The following SMAD1 variants were observed in gnomAD, a reference collection of about 807,000 sequenced individuals.
The protein encoded by SMAD1 is MAD, mothers against decapentaplegic homolog 1.
Under a neutral mutation model 41.6 loss-of-function variants are expected in SMAD1, and 6 were observed. That is an observed-to-expected ratio of 0.14 (90% CI 0.08 to 0.28). SMAD1 has a LOEUF of 0.28. SMAD1 is among the 10% of genes least tolerant of loss of function. The pLI is 1.00. For synonymous variants in SMAD1, 206 were observed against 203.2 expected (o/e 1.01, Z -0.12); for missense variants, 379 against 582.6 (o/e 0.65, Z 3.60).
chr4:145,510,384 G>A (rs781758608), intron 1 of SMAD1, among the ~76,000 whole-genome samples: 2 of 151,790 alleles, frequency 1.3e-5, no homozygotes, highest in South Asian at 2.1e-4. Flanking sequence ...TCTAATATAT[G>A]CATTTAAGAC....
chr4:145,527,515 G>A (rs368486898), intron 2 of SMAD1, among the ~76,000 whole-genome samples: 13 of 152,146 alleles, frequency 8.5e-5, no homozygotes, highest in African/African-American at 3.1e-4. Flanking sequence ...GAGCCACCGC[G>A]CCCGGCCCTA....
intron 6 of SMAD1, among the ~76,000 whole-genome samples, chr4:145,557,292 A>C (rs911267610): frequency 3.9e-5 from 6 of 152,188 alleles, no homozygotes; most frequent in African/African-American, 1.4e-4. Context: ...TGGATACTTG[A>C]ATGTACTCCT....
At chr4:145,505,395 A>G (rs1729711142) in intron 1 of SMAD1, among the ~76,000 whole-genome samples, 1 of 152,190 alleles carries the variant, frequency 6.6e-6, no homozygotes, top group Non-Finnish European at 1.5e-5. Flanking sequence ...GATATCTTGC[A>G]TCTCCATGGC....
At chr4:145,525,389 G>A (rs1730972614) in intron 2 of SMAD1, among the ~76,000 whole-genome samples, 1 of 152,174 alleles carries the variant, frequency 6.6e-6, no homozygotes, top group Non-Finnish European at 1.5e-5. Flanking sequence ...AGCAACAAGG[G>A]TTTATTTGTT....
intron 1 of SMAD1, among the ~76,000 whole-genome samples, chr4:145,503,608 C>T (rs997926349): frequency 2.0e-5 from 3 of 152,122 alleles, no homozygotes; most frequent in African/African-American, 7.2e-5. Context: ...GGAATGCAGG[C>T]ACTTCACCTG....
At chr4:145,551,308 C>G (rs572034245) in intron 5 of SMAD1, among the ~76,000 whole-genome samples, 7 of 152,216 alleles carry the variant, frequency 4.6e-5, no homozygotes, top group African/African-American at 1.4e-4. Context: ...AAGAGAAACC[C>G]TGACCTCATA....
intron 1 of SMAD1, among the ~76,000 whole-genome samples, chr4:145,508,988 G>A (rs1461092190): frequency 6.6e-6 from 1 of 152,164 alleles, no homozygotes; most frequent in Non-Finnish European, 1.5e-5. Flanking sequence ...TGAATTTAGG[G>A]AGGGGATACA....
intron 1 of SMAD1, among the ~76,000 whole-genome samples, chr4:145,500,507 C>A (rs1729368828): frequency 1.3e-5 from 2 of 152,094 alleles, no homozygotes; most frequent in African/African-American, 2.4e-5. Flanking sequence ...GAATGCCCTT[C>A]CCCAGATAAT....
chr4:145,498,677 T>G (rs1560727789), intron 1 of SMAD1, among the ~76,000 whole-genome samples: 1 of 152,218 alleles, frequency 6.6e-6, no homozygotes, highest in Non-Finnish European at 1.5e-5. Context: ...AGACAGTTTT[T>G]GTTTCTATTT....
chr4:145,484,517 C>T (rs1403398661), intron 1 of SMAD1: 1 of 152,280 alleles, frequency 6.6e-6, no homozygotes, highest in Non-Finnish European at 1.5e-5. Flanking sequence ...TGGCGTTATA[C>T]TTCAGATATG....
In SMAD1 at chr4:145,482,686, A is replaced by T. The variant is rs898712987; in HGVS notation, c.-177+648A>T. The T allele has an allele frequency of 1.3e-5, 2 of 151,954 alleles. No homozygotes were observed. The highest frequency in any genetic ancestry group is 4.8e-5 in the African/African-American group (2 of 41,378). The allele number at this position is 151,954 out of a possible 1,614,324, so 9.4% of individuals were successfully genotyped here. On this transcript the variant is annotated intron_variant, in intron 1 of 6. Coordinates refer to ENST00000302085, the MANE Select transcript of SMAD1 (RefSeq NM_005900.3). The surrounding 1 kb of genome is among the most constrained non-coding windows in gnomAD (Gnocchi z 4.2). ...GAGGTCAAGGAAAGTTCGCACCGAG[A>T]TCCCCTCTAATTTATTCAAAGGTTT...
chr4:145,493,127 G>T (rs1182992192), intron 1 of SMAD1, among the ~76,000 whole-genome samples: 1 of 152,196 alleles, frequency 6.6e-6, no homozygotes, highest in African/African-American at 2.4e-5. Flanking sequence ...CCATCCTTAA[G>T]TCCTTTCTGA....
intron 3 of SMAD1, among the ~76,000 whole-genome samples, chr4:145,540,820 T>C (rs1731886505): frequency 1.3e-5 from 2 of 152,114 alleles, no homozygotes; most frequent in Non-Finnish European, 2.9e-5. Context: ...TAACATCTAT[T>C]AATGTTTTCG....
At chr4:145,539,678 G>A in intron 2 of SMAD1, 126 bp from the exon 3 acceptor site, 1 of 887,300 alleles carries the variant, frequency 1.1e-6, no homozygotes, top group Admixed American at 2.6e-5. Context: ...ATGCTTTTGA[G>A]TTGGCAGCAG....
At chr4:145,504,625 C>T (rs1472885206) in intron 1 of SMAD1, among the ~76,000 whole-genome samples, 2 of 152,066 alleles carry the variant, frequency 1.3e-5, no homozygotes, top group African/African-American at 4.8e-5. Flanking sequence ...GAAATGTGAG[C>T]GGATGGCAGT....
In SMAD1 at chr4:145,546,893, T is replaced by G. The variant is rs201725603; in HGVS notation, c.966T>G (p.Thr322=). 2 of 1,613,980 alleles carry G rather than the reference T, an allele frequency of 1.2e-6. No individual in the cohort carries two copies. The highest frequency in any genetic ancestry group is 2.2e-5 in the East Asian group (1 of 44,874). The part of the protein sequence containing the change: ...GLLSNVNRNS[T]IENTRRHIGK... ...TCTCCAATGTTAACCGGAATTCCAC[T>G]ATTGAAAACACCAGGCGGCATATTG... The change falls in exon 5 of 7, where the codon ACT becomes ACG. Residue 322 remains threonine, a synonymous_variant. Transcript: ENST00000302085.
At chr4:145,512,291 C>G (rs925312372) in intron 1 of SMAD1, among the ~76,000 whole-genome samples, 1 of 152,178 alleles carries the variant, frequency 6.6e-6, no homozygotes, top group African/African-American at 2.4e-5. Context: ...TGTCTGTTGA[C>G]AGTTTTGGAA....
chr4:145,519,835 C>T (rs1186014256), intron 2 of SMAD1, among the ~76,000 whole-genome samples: 1 of 152,154 alleles, frequency 6.6e-6, no homozygotes, highest in Non-Finnish European at 1.5e-5. Context: ...AACCACCATT[C>T]TAATTCTACA....
In SMAD1 at chr4:145,517,851, T is replaced by G. The variant is rs938916337; in HGVS notation, c.400+2838T>G. On this transcript the variant is annotated intron_variant, in intron 2 of 6. Transcript: ENST00000302085. ...GGAAGAGGTGGAAAACTGGCTTACA[T>G]AGGCATTTTGAGACTCCACAAATGC... 3.2e-5 allele frequency among the ~76,000 whole-genome samples: 4 copies of G among 126,424 alleles called. 1 individual carries two copies. The highest frequency in any genetic ancestry group is 5.8e-5 in the Non-Finnish European group (3 of 51,356). 82.9% of individuals were successfully genotyped at this position (126,424 alleles called of 152,430 possible). A position where few individuals can be genotyped will look rare whatever the true frequency, so the allele number is the denominator to read the frequency against.
Sources: allele counts gnomAD v4.1 joint callset (sites outside exome capture counted in the v4.1 genomes callset), GRCh38; gene constraint gnomAD v4.1.1; non-coding constraint Gnocchi (gnomAD v3.1); transcripts MANE v1.5; gene names NCBI Gene and HGNC (gene_info 2026-07-23, HGNC 2026-07-21).